The following ZNF516 variants were observed in gnomAD, a reference collection of about 807,000 sequenced individuals.
ZNF516 encodes the protein zinc finger protein 516.
Under a neutral mutation model 79.7 loss-of-function variants are expected in ZNF516, and 19 were observed. The observed-to-expected ratio is 0.24, with a 90% CI of 0.17 to 0.35. The LOEUF (loss-of-function observed/expected upper bound fraction) is 0.35. Among genes scored for constraint, ZNF516 ranks in the 10% least tolerant of loss-of-function variants. The pLI, the probability that ZNF516 is intolerant of heterozygous loss-of-function variation, is 1.00. For missense variants in ZNF516, 1,678 were observed against 1,679.5 expected, an observed-to-expected ratio of 1.00 and a Z score of 0.02; for synonymous variants, 877 against 739.5, an observed-to-expected ratio of 1.19 and a Z score of -3.02.
chr18:76,461,356 A>C (rs1306959670), intron 2 of ZNF516, among the ~76,000 whole-genome samples: 1 of 152,118 alleles, frequency 6.6e-6, no homozygotes, highest in Non-Finnish European at 1.5e-5. Flanking sequence ...CACTGTGAAA[A>C]ACATGTTGGC....
At position 76,358,347 on chromosome 18, in the gene ZNF516, TATA is replaced by T. The variant is rs1191592387; in HGVS notation, c.*4148_*4150del. The T allele has an allele frequency of 2.0e-5, 3 of 152,254 alleles. No homozygotes were observed. The highest frequency in any genetic ancestry group is 4.8e-5 in the African/African-American group (2 of 41,470). The allele number at this position is 152,254 out of a possible 1,614,324, so 9.4% of individuals were successfully genotyped here. ...AAATTCTAATATAAAGAGTACAAAA[TATA>T]ATGTTATAAATTGTATTTTAAAAAA... is the stretch of plus-strand genomic sequence containing the variant. On this transcript the variant is annotated 3_prime_UTR_variant, in exon 7 of 7. Coordinates refer to ENST00000443185, the MANE Select transcript of ZNF516 (RefSeq NM_014643.4).
chr18:76,447,313 C>T (rs1380242157), intron 2 of ZNF516, among the ~76,000 whole-genome samples: 1 of 152,242 alleles, frequency 6.6e-6, no homozygotes, highest in Non-Finnish European at 1.5e-5. Flanking sequence ...CCGCCAACCC[C>T]TGTAAGCCAG....
chr18:76,460,894 A>T (rs1190354533), intron 2 of ZNF516, among the ~76,000 whole-genome samples: 1 of 152,192 alleles, frequency 6.6e-6, no homozygotes, highest in Non-Finnish European at 1.5e-5. Flanking sequence ...CTTTTTAAAC[A>T]ACATACTGCC....
chr18:76,470,601 A>G (rs1913769963), intron 1 of ZNF516, among the ~76,000 whole-genome samples: 1 of 152,234 alleles, frequency 6.6e-6, no homozygotes, highest in African/African-American at 2.4e-5. Context: ...TTTTGTTACA[A>G]ACATTTAACG....
In ZNF516 at chr18:76,379,132, A is replaced by G; in HGVS notation, c.2982T>C (p.Ala994=). ...GPPPAKGEGG[A]PPLPPREPPS... is the part of the protein sequence containing the mutation. ...GGGGCTCGCGGGGAGGTAGAGGAGG[A>G]GCGCCCCCTTCGCCCTTTGCAGGAG... Residue 994 remains alanine (A), a synonymous_variant, in exon 4 of 7, where the codon GCT becomes GCC. Coordinates refer to ENST00000443185, the MANE Select transcript of ZNF516 (RefSeq NM_014643.4). The G allele has an allele frequency of 6.2e-7, 1 of 1,612,546 alleles. No homozygotes were observed. Among genetic ancestry groups the G allele is most frequent in the South Asian group, 1.1e-5 (1 of 91,068 alleles).
At chr18:76,382,119 A>G (rs2074902418) in intron 3 of ZNF516, among the ~76,000 whole-genome samples, 1 of 151,954 alleles carries the variant, frequency 6.6e-6, no homozygotes, top group South Asian at 2.1e-4. Context: ...GCAACAGAGC[A>G]AGACTCCATC....
At chr18:76,482,967 G>A (rs1009325086) in intron 1 of ZNF516, among the ~76,000 whole-genome samples, 6 of 152,104 alleles carry the variant, frequency 3.9e-5, no homozygotes, top group Non-Finnish European at 5.9e-5. Context: ...ATATAGGTTC[G>A]GGTAAATAAT....
rs2074847356 is a variant in ZNF516, at chr18:76,379,328, G to A, written c.2786C>T (p.Ala929Val). The A allele has an allele frequency of 6.3e-7, 1 of 1,597,450 alleles. No homozygotes were observed. The highest frequency in any genetic ancestry group is 1.3e-5 in the African/African-American group (1 of 74,332). Residue 929 changes from alanine to valine, a missense_variant, in exon 4 of 7, where the codon GCC (alanine) becomes GTC (valine). By Grantham distance (64) the Ala-to-Val change is moderately conservative. Coordinates refer to ENST00000443185, the MANE Select transcript of ZNF516 (RefSeq NM_014643.4). ...GGCGATGACGGTGGGCGTAGGGGTG[G>A]CGCTCCTGCTGAAGCCCCCGCCACC... Reference protein sequence around the residue: ...APGGGGFSRSATPTPTVIARA... With the variant: ...APGGGGFSRSVTPTPTVIARA...
At chr18:76,492,994 AC>A in intron 1 of ZNF516, 1 of 985,566 alleles carries the variant, frequency 1.0e-6, no homozygotes, top group African/African-American at 1.7e-5. Context: ...GCGCTCACAC[AC>A]ACACCCCAAA....
upstream of ZNF516, chr18:76,496,276 C>G (rs952924795): frequency 3.1e-6 from 4 of 1,287,550 alleles, no homozygotes; most frequent in East Asian, 5.6e-5. Context: ...CTTCTCCCAC[C>G]AGGCTCCTGG....
At chr18:76,491,485 C>T (rs1166583281) in intron 1 of ZNF516, among the ~76,000 whole-genome samples, 3 of 137,274 alleles carry the variant, frequency 2.2e-5, no homozygotes, top group Non-Finnish European at 5.0e-5. Flanking sequence ...GCTGTGGGTC[C>T]GTCTCTTTCA....
chr18:76,496,172 G>C, upstream of ZNF516: 1 of 1,004,384 alleles, frequency 1.0e-6, no homozygotes, highest in Non-Finnish European at 1.3e-6. Context: ...GCGGGGGCGG[G>C]GGAGGGGCGG....
At chr18:76,378,757 A>G in intron 4 of ZNF516, 98 bp downstream of exon 4, 5 of 1,477,548 alleles carry the variant, frequency 3.4e-6, no homozygotes, top group Non-Finnish European at 4.5e-6. Context: ...CTCTGTCCTC[A>G]GGGACATGGA....
rs979525552 is a variant in ZNF516 at position 76,450,187 on chromosome 18, G to C, written c.-157-6976C>G. Among the ~76,000 whole-genome samples, 5 of 142,904 alleles carry C rather than the reference G, an allele frequency of 3.5e-5. 1 individual carries two copies. Among genetic ancestry groups the C allele is most frequent in the Non-Finnish European group, 3.1e-5 (2 of 65,364 alleles). 93.8% of individuals were successfully genotyped at this position (142,904 alleles called of 152,430 possible). On this transcript the variant is annotated intron_variant, in intron 2 of 6. Coordinates refer to ENST00000443185, the MANE Select transcript of ZNF516 (RefSeq NM_014643.4). Reference sequence around the variant, plus strand: ...TGTTAACAACTCATGAAACTAAAGGGGGGGGGGTGTTTATTTCTAACTCTT... The same window carrying C: ...TGTTAACAACTCATGAAACTAAAGGCGGGGGGGTGTTTATTTCTAACTCTT...
rs1202954525 is a variant in ZNF516 at position 76,459,966 on chromosome 18, T to C, written c.-158+3062A>G. On this transcript the variant is annotated intron_variant, in intron 2 of 6. Transcript: ENST00000443185. The surrounding 1 kb of genome is among the most constrained non-coding windows in gnomAD (Gnocchi z 5.0). ...GTCCCAAATAATGAATCATGTCCAC[T>C]GCACTAGAATGCAGTCTTTTAACCA... 6.6e-6 allele frequency among the ~76,000 whole-genome samples: 1 copy of C among 152,218 alleles called. No individual in the cohort carries two copies. Among genetic ancestry groups the C allele is most frequent in the East Asian group, 1.9e-4 (1 of 5,190 alleles).
intron 3 of ZNF516, among the ~76,000 whole-genome samples, chr18:76,436,589 C>T (rs1012465434): frequency 1.3e-5 from 2 of 152,060 alleles, no homozygotes; most frequent in Non-Finnish European, 2.9e-5. Flanking sequence ...AAGGTCAGTG[C>T]GCGAAGGTAT....
intron 1 of ZNF516, among the ~76,000 whole-genome samples, chr18:76,466,321 C>T (rs1018837466): frequency 2.6e-5 from 4 of 152,186 alleles, no homozygotes; most frequent in Non-Finnish European, 5.9e-5. Flanking sequence ...ACAGAGACTC[C>T]GTTCCCTTGG....
chr18:76,431,287 AAACTT>A (rs1420814815), intron 3 of ZNF516, among the ~76,000 whole-genome samples: 1 of 152,214 alleles, frequency 6.6e-6, no homozygotes, highest in African/African-American at 2.4e-5. Flanking sequence ...TTATCAAATA[AAACTT>A]AAATGCTTCA....
In ZNF516 at chr18:76,361,770, G is replaced by A. The variant is rs954018796; in HGVS notation, c.*728C>T. 6 of 152,316 alleles carry A rather than the reference G, an allele frequency of 3.9e-5. No individual in the cohort carries two copies. Among genetic ancestry groups the A allele is most frequent in the Admixed American group, 6.5e-5 (1 of 15,300 alleles). 9.4% of individuals were successfully genotyped at this position (152,316 alleles called of 1,614,324 possible). A position where few individuals can be genotyped will look rare whatever the true frequency, so the allele number is the denominator to read the frequency against. On this transcript the variant is annotated 3_prime_UTR_variant, in exon 7 of 7. Coordinates refer to ENST00000443185, the MANE Select transcript of ZNF516 (RefSeq NM_014643.4). ...AGCTCTCTTCCGAGGCGGAATCTAC[G>A]CATTCCCACAGACGTGTCTCCTTTG...
Sources: gnomAD v4.1 joint callset for allele counts (sites outside exome capture counted in the v4.1 genomes callset) on GRCh38, gnomAD v4.1.1 for gene constraint, Gnocchi (gnomAD v3.1) non-coding constraint, MANE v1.5 for transcripts, NCBI Gene and HGNC (gene_info 2026-07-23, HGNC 2026-07-21) for gene names.